Variants in CTNNA1 observed in about 807,000 individuals in gnomAD.
CTNNA1 encodes the protein catenin alpha-1.
CTNNA1 carries 37 observed loss-of-function variants against 98.4 expected under a neutral mutation model. The ratio of observed to expected loss-of-function variants is 0.38; its 90% CI spans 0.29 to 0.49. The LOEUF is 0.49. CTNNA1 is among the 20% of genes least tolerant of loss of function. The probability of loss-of-function intolerance (pLI) is 0.95; values close to 1 mark genes in which losing one functional copy is unlikely to be tolerated. For missense variants in CTNNA1, 761 were observed against 1,147.2 expected (o/e 0.66, Z 4.86); for synonymous variants, 404 against 413.2 (o/e 0.98, Z 0.27).
chr5:138,913,674 T>C (rs572260008), intron 10 of CTNNA1, among the ~76,000 whole-genome samples: 37 of 152,318 alleles, frequency 2.4e-4, no homozygotes, highest in Admixed American at 5.2e-4. Context: ...CTAACAGTTT[T>C]TCCTATTATT....
At position 138,929,320 on chromosome 5, in the gene CTNNA1, A is replaced by C. The variant is rs372570632; in HGVS notation, c.1974A>C (p.Thr658=). 3.7e-6 allele frequency: 6 copies of C among 1,611,452 alleles called. No individual in the cohort carries two copies. The highest frequency in any genetic ancestry group is 3.3e-5 in the South Asian group (3 of 91,046). ...FDVRSRTSVQ[T]EDDQLIAGQS... is the part of the protein sequence containing the mutation. ...TCAGAAGCAGGACGAGCGTCCAGAC[A>C]GAAGACGATCAGCTGATAGCTGGCC... Residue 658 remains threonine, a synonymous_variant, in exon 14 of 18, where the codon ACA becomes ACC. Coordinates refer to ENST00000302763, the MANE Select transcript of CTNNA1 (RefSeq NM_001903.5).
intron 9 of CTNNA1, among the ~76,000 whole-genome samples, chr5:138,900,872 CCA>C (rs1757882430): frequency 2.0e-5 from 3 of 152,274 alleles, no homozygotes; most frequent in African/African-American, 7.2e-5. Context: ...GTCCAAACTT[CCA>C]CACAGTAGGC....
chr5:138,864,115 A>C (rs2149892298), intron 7 of CTNNA1, among the ~76,000 whole-genome samples: 1 of 152,178 alleles, frequency 6.6e-6, no homozygotes, highest in African/African-American at 2.4e-5. Flanking sequence ...GGTGCACCAC[A>C]CCCAGCTACT....
At chr5:138,855,535 G>A (rs879795378) in intron 7 of CTNNA1, among the ~76,000 whole-genome samples, 1 of 152,164 alleles carries the variant, frequency 6.6e-6, no homozygotes, top group Non-Finnish European at 1.5e-5. Context: ...TTGCATCTAG[G>A]TGAGTTTTCA....
At chr5:138,851,208 G>A (rs901627293) in intron 7 of CTNNA1, among the ~76,000 whole-genome samples, 10 of 152,248 alleles carry the variant, frequency 6.6e-5, no homozygotes, top group East Asian at 3.9e-4. Context: ...TGCCTTTGTC[G>A]TTTTCATTGT....
intron 17 of CTNNA1, among the ~76,000 whole-genome samples, chr5:138,933,346 G>A (rs930173637): frequency 2.6e-5 from 4 of 152,046 alleles, no homozygotes; most frequent in African/African-American, 4.8e-5. Context: ...GGGGTCCACC[G>A]AGCCTCCATG....
At chr5:138,893,256 G>T (rs564892623) in intron 9 of CTNNA1, among the ~76,000 whole-genome samples, 67 of 152,220 alleles carry the variant, frequency 4.4e-4, no homozygotes, top group African/African-American at 1.6e-3. Flanking sequence ...ATCCCAGGAT[G>T]CCTTCAGCCT....
intron 1 of CTNNA1, among the ~76,000 whole-genome samples, chr5:138,779,452 T>C (rs558732259): frequency 6.6e-6 from 1 of 152,306 alleles, no homozygotes; most frequent in East Asian, 1.9e-4. Context: ...GATATGATCT[T>C]GTTAGTCTTG....
chr5:138,830,059 C>T (rs1205871303), intron 7 of CTNNA1, among the ~76,000 whole-genome samples: 2 of 151,968 alleles, frequency 1.3e-5, no homozygotes, highest in Non-Finnish European at 2.9e-5. Flanking sequence ...CCCAGCTGCT[C>T]TGGAGGCTGA....
chr5:138,920,227 G>A (rs1253243475), intron 11 of CTNNA1, among the ~76,000 whole-genome samples: 20 of 152,048 alleles, frequency 1.3e-4, no homozygotes, highest in Admixed American at 1.2e-3. Context: ...TGATCCACCC[G>A]CTTCAGCCTC....
chr5:138,777,785 TGCAGCGAGCTGAGATG>T, intron 1 of CTNNA1, among the ~76,000 whole-genome samples: 1 of 150,022 alleles, frequency 6.7e-6, no homozygotes, highest in African/African-American at 2.5e-5. Context: ...GCAGGGAGGC[TGCAGCGAGCTGAGATG>T]GCAGCAGTAC....
At chr5:138,914,991 C>CA (rs1167768549) in intron 10 of CTNNA1, among the ~76,000 whole-genome samples, 1 of 151,956 alleles carries the variant, frequency 6.6e-6, no homozygotes, top group Non-Finnish European at 1.5e-5. Flanking sequence ...ACCAAAAATA[C>CA]AAAAAACTAG....
In CTNNA1 at chr5:138,934,215, C is replaced by T; in HGVS notation, c.*126C>T. 1 of 693,688 alleles carries T rather than the reference C, an allele frequency of 1.4e-6. No individual in the cohort carries two copies. 43.0% of individuals were successfully genotyped at this position (693,688 alleles called of 1,614,324 possible). ...CCACAGGGAAATGGGCAGACTGAAC[C>T]AGTCCAGGTGGTGAATTTTCCAAGA... On this transcript the variant is annotated 3_prime_UTR_variant, in exon 18 of 18. Coordinates refer to ENST00000302763, the MANE Select transcript of CTNNA1 (RefSeq NM_001903.5).
chr5:138,769,818 C>T (rs1484729496), intron 1 of CTNNA1, among the ~76,000 whole-genome samples: 1 of 151,796 alleles, frequency 6.6e-6, no homozygotes, highest in Non-Finnish European at 1.5e-5. Context: ...CAGGTGTGAG[C>T]TACTGCACCC....
chr5:138,782,760 A>T (rs76576016), intron 2 of CTNNA1, among the ~76,000 whole-genome samples: 1 of 152,230 alleles, frequency 6.6e-6, no homozygotes, highest in East Asian at 1.9e-4. Flanking sequence ...AAGACTTCAG[A>T]AGCAAATTAT....
At chr5:138,911,044 G>C (rs1340990853) in intron 10 of CTNNA1, among the ~76,000 whole-genome samples, 1 of 152,140 alleles carries the variant, frequency 6.6e-6, no homozygotes, top group Non-Finnish European at 1.5e-5. Context: ...TTCTAGAACA[G>C]CCTGAGCAAC....
At position 138,789,196 on chromosome 5, in the gene CTNNA1, C is replaced by T. The variant is rs3827597; in HGVS notation, c.301+5824C>T. ...GCTGTTTTTCCTGTTTTTCCCCCCC[C>T]CCAGAGCTTATAATGATACATGAAT... On this transcript the variant is annotated intron_variant, in intron 3 of 17. Coordinates refer to ENST00000302763, the MANE Select transcript of CTNNA1 (RefSeq NM_001903.5). 1.9e-3 allele frequency among the ~76,000 whole-genome samples: 294 copies of T among 152,022 alleles called. 1 individual carries two copies. Among genetic ancestry groups the T allele is most frequent in the African/African-American group, 6.7e-3 (278 of 41,414 alleles).
At chr5:138,817,981 G>A (rs1299111105) in intron 5 of CTNNA1, among the ~76,000 whole-genome samples, 1 of 151,382 alleles carries the variant, frequency 6.6e-6, no homozygotes, top group African/African-American at 2.4e-5. Context: ...CCACCTCCCA[G>A]GTTCAAATGA....
chr5:138,787,832 T>C (rs2149670225), intron 3 of CTNNA1, among the ~76,000 whole-genome samples: 1 of 152,308 alleles, frequency 6.6e-6, no homozygotes, highest in South Asian at 2.1e-4. Flanking sequence ...TACTAAAATT[T>C]CACCATAATG....
Sources: gnomAD v4.1 joint callset for allele counts (sites outside exome capture counted in the v4.1 genomes callset) on GRCh38, gnomAD v4.1.1 for gene constraint, MANE v1.5 for transcripts, NCBI Gene and HGNC (gene_info 2026-07-23, HGNC 2026-07-21) for gene names.